Variants in ABCA12 observed in about 807,000 individuals in gnomAD.
The protein encoded by ABCA12 is glucosylceramide transporter ABCA12.
ABCA12 carries 156 observed loss-of-function variants against 293.5 expected under a neutral mutation model. The ratio of observed to expected loss-of-function variants is 0.53; its 90% CI spans 0.47 to 0.61. ABCA12 has a LOEUF of 0.61. ABCA12 is among the 20% of genes least tolerant of loss of function. ABCA12 has a pLI of 0.00. For missense variants in ABCA12, 2,797 were observed against 3,090.2 expected, an observed-to-expected ratio of 0.91 and a Z score of 2.25; for synonymous variants, 1,063 against 1,108.0, an observed-to-expected ratio of 0.96 and a Z score of 0.81.
At chr2:215,055,577 C>T (rs115802440) in intron 3 of ABCA12, among the ~76,000 whole-genome samples, 1,784 of 151,962 alleles carry the variant, frequency 0.012, 24 homozygotes, top group African/African-American at 0.04. Flanking sequence ...CCTTAAGGTA[C>T]GTAACAATGG....
chr2:215,026,816 T>C lies in ABCA12; in HGVS notation c.1180+4A>G. ...AGCATTTTGACTGTTAAGAACAGTA[T>C]TACCTGGTGAACCTCTGGCCAAACT... On this transcript the variant is annotated splice_donor_region_variant and intron_variant, in intron 10 of 52. Transcript: ENST00000272895. 2 of 1,585,754 alleles carry C rather than the reference T, an allele frequency of 1.3e-6. No homozygotes were observed.
chr2:215,068,273 G>T (rs1405355972), intron 2 of ABCA12, among the ~76,000 whole-genome samples: 2 of 152,156 alleles, frequency 1.3e-5, no homozygotes. Flanking sequence ...GATGCACAGT[G>T]AAGTTTGGGA....
chr2:215,081,477 T>C (rs1290062975), intron 2 of ABCA12, among the ~76,000 whole-genome samples: 1 of 738 alleles, frequency 1.4e-3, no homozygotes, highest in Non-Finnish European at 3.7e-3. Context: ...AGACTCTGTC[T>C]CAAAAAAAAA....
At chr2:214,967,588 G>C (rs1273208616) in intron 38 of ABCA12, among the ~76,000 whole-genome samples, 2 of 152,116 alleles carry the variant, frequency 1.3e-5, no homozygotes, top group Non-Finnish European at 2.9e-5. Context: ...AAATTCACAT[G>C]TTTGTGCAAG....
chr2:215,126,499 G>A (rs368000391), intron 1 of ABCA12, among the ~76,000 whole-genome samples: 5 of 151,834 alleles, frequency 3.3e-5, no homozygotes, highest in African/African-American at 1.2e-4. Flanking sequence ...GTCTGTTTAG[G>A]GTATCTAATT....
chr2:214,968,211 C>T (rs1699307835), intron 38 of ABCA12, among the ~76,000 whole-genome samples: 1 of 152,098 alleles, frequency 6.6e-6, no homozygotes, highest in African/African-American at 2.4e-5. Flanking sequence ...AATGCCTTTT[C>T]CCTGACCCTC....
intron 52 of ABCA12, 144 bp from the exon 53 acceptor site, chr2:214,932,885 C>T: frequency 2.9e-6 from 2 of 685,370 alleles, no homozygotes; most frequent in Admixed American, 2.3e-5. Context: ...AAATCCAAAT[C>T]CTAGTTTTAT....
chr2:215,084,573 G>T (rs1407337285), intron 2 of ABCA12, among the ~76,000 whole-genome samples: 3 of 152,076 alleles, frequency 2.0e-5, no homozygotes, highest in Non-Finnish European at 4.4e-5. Context: ...AATTCCCAAG[G>T]CTGAATGGAG....
In ABCA12 at chr2:214,987,716, C is replaced by T; in HGVS notation, c.3907G>A (p.Val1303Met). 5 of 1,614,036 alleles carry T rather than the reference C, an allele frequency of 3.1e-6. No individual in the cohort carries two copies. Among genetic ancestry groups the T allele is most frequent in the Non-Finnish European group, 4.2e-6 (5 of 1,179,986 alleles). Residue 1303 changes from valine to methionine, a missense_variant, in exon 27 of 53, where the codon GTG (valine) becomes ATG (methionine). By Grantham distance (21) the Val-to-Met change is conservative. Around this residue, in one of 3 missense-constraint regions of ABCA12, gnomAD observed 2,130 missense variants for 2,427.0 expected, o/e 0.88. Coordinates refer to ENST00000272895, the MANE Select transcript of ABCA12 (RefSeq NM_173076.3). ...AGGCCATTGCTCTTCTCAGGCTTCACCTCTGCACACCCAAATCGCTCCTTC... is the reference window on the plus strand; with the variant it reads ...AGGCCATTGCTCTTCTCAGGCTTCATCTCTGCACACCCAAATCGCTCCTTC... Reference protein sequence around the residue: ...YWKERFGCAEVKPEKSNGLMF... With the variant: ...YWKERFGCAEMKPEKSNGLMF...
intron 30 of ABCA12, among the ~76,000 whole-genome samples, chr2:214,981,962 TATTATTATTA>T (rs1455192562): frequency 3.3e-4 from 44 of 132,294 alleles, no homozygotes; most frequent in African/African-American, 7.5e-4. Flanking sequence ...TTATTATTAT[TATTATTATTA>T]TTATTATTAT....
Position 214,991,480 on chromosome 2 carries a change from A to AT in ABCA12, c.3295-450dup, listed in dbSNP as rs201871542. On this transcript the variant is annotated intron_variant, in intron 23 of 52. Transcript: ENST00000272895. ...GAGACTGAGCTCATAAAAATCCATA[A>AT]TTTTTTTTTTTACTAAACACTAATG... Among the ~76,000 whole-genome samples the AT allele has an allele frequency of 4.3e-3, 635 of 149,060 alleles. 6 individuals are homozygous for AT. Among genetic ancestry groups the AT allele is most frequent in the South Asian group, 0.042 (197 of 4,702 alleles).
chr2:215,081,184 C>T (rs972915916), intron 2 of ABCA12, among the ~76,000 whole-genome samples: 1 of 152,030 alleles, frequency 6.6e-6, no homozygotes, highest in African/African-American at 2.4e-5. Context: ...TTCTTAACAA[C>T]ACAAGCAAAC....
In ABCA12 at chr2:215,019,620, C is replaced by G; in HGVS notation, c.1464G>C (p.Leu488=). The G allele has an allele frequency of 6.2e-7, 1 of 1,614,196 alleles. No homozygotes were observed. The highest frequency in any genetic ancestry group is 8.5e-7 in the Non-Finnish European group (1 of 1,180,034). Residue 488 remains leucine (L), a synonymous_variant, in exon 12 of 53, where the codon CTG becomes CTC. Coordinates refer to ENST00000272895, the MANE Select transcript of ABCA12 (RefSeq NM_173076.3). ...ELGTEIAASL[L]YHDNVISKKV... ...TTTTAGATATGACATTGTCATGGTA[C>G]AGTAAGCTGGCTGCTATTTCGGTGC...
At chr2:215,007,217 C>T (rs2105996632) in intron 19 of ABCA12, among the ~76,000 whole-genome samples, 1 of 152,188 alleles carries the variant, frequency 6.6e-6, no homozygotes, top group Non-Finnish European at 1.5e-5. Flanking sequence ...CCTTAAGTGG[C>T]CTTAAACGTA....
intron 51 of ABCA12, among the ~76,000 whole-genome samples, chr2:214,936,077 G>C (rs1190848400): frequency 2.6e-5 from 4 of 151,994 alleles, no homozygotes; most frequent in African/African-American, 9.7e-5. Flanking sequence ...GCATTCTATG[G>C]TTTGTTACCT....
chr2:214,975,982 C>T lies in ABCA12; in HGVS notation c.5184G>A (p.Lys1728=), dbSNP rs771076908. The stretch of plus-strand genomic sequence containing the variant: ...ACCTCTTGATGAGTATAGCCATGAT[C>T]TTCTTCAGCAACAGTCCAAAGCCAT... ...RLDGFGLLLK[K]IMAILIKRFH... The change falls in exon 34 of 53, where the codon AAG becomes AAA. Residue 1728 remains lysine, a synonymous_variant. Transcript: ENST00000272895. 8 of 1,613,944 alleles carry T rather than the reference C, an allele frequency of 5.0e-6. No homozygotes were observed. The South Asian group carries it at 8.8e-5, about 18-fold the overall frequency.
At chr2:214,958,922 T>C (rs1699033699) in intron 40 of ABCA12, 102 bp downstream of exon 40, 3 of 1,219,468 alleles carry the variant, frequency 2.5e-6, no homozygotes, top group South Asian at 2.4e-5. Context: ...CCTTCTAGAT[T>C]GACATTCATT....
intron 23 of ABCA12, among the ~76,000 whole-genome samples, chr2:214,994,752 A>G (rs1347536691): frequency 2.6e-5 from 4 of 152,166 alleles, no homozygotes; most frequent in African/African-American, 7.2e-5. Context: ...AGGAAAGCAC[A>G]AAAAAATTGT....
intron 1 of ABCA12, among the ~76,000 whole-genome samples, chr2:215,130,707 C>T (rs1029898914): frequency 1.3e-5 from 2 of 152,132 alleles, no homozygotes; most frequent in African/African-American, 2.4e-5. Flanking sequence ...TTGACTTCCT[C>T]TTTTCCAATT....
Sources: gnomAD v4.1 joint callset for allele counts (sites outside exome capture counted in the v4.1 genomes callset) on GRCh38, gnomAD v4.1.1 for gene constraint, gnomAD v4.1.1 regional missense constraint, MANE v1.5 for transcripts, NCBI Gene and HGNC (gene_info 2026-07-23, HGNC 2026-07-21) for gene names.